The following MTCL2 variants were observed in gnomAD, a reference collection of about 807,000 sequenced individuals.
MTCL2 encodes microtubule crosslinking factor 2, also known as microtubule cross-linking factor 2.
the MTCL2 span, among the ~76,000 whole-genome samples, chr20:36,818,185 C>T: frequency 6.6e-6 from 1 of 152,238 alleles, no homozygotes; most frequent in Non-Finnish European, 1.5e-5. Flanking sequence ...TTCCATAAAC[C>T]TCTGCATGCA....
chr20:36,813,789 A>T, the MTCL2 span, among the ~76,000 whole-genome samples: 1 of 151,802 alleles, frequency 6.6e-6, no homozygotes, highest in Non-Finnish European at 1.5e-5. Context: ...TAAAAGAAAA[A>T]AAGAAAGTGC....
chr20:36,817,559 A>AG, the MTCL2 span: 2 of 1,340,908 alleles, frequency 1.5e-6, no homozygotes, highest in Non-Finnish European at 2.0e-6. Context: ...CACAGTGCCC[A>AG]GGGTCCAGGG....
At chr20:36,806,099 G>C in the MTCL2 span, 2 of 624,490 alleles carry the variant, frequency 3.2e-6, no homozygotes, top group Non-Finnish European at 5.5e-6. Context: ...CTGCCCCAAA[G>C]ACCAGGAAGC....
chr20:36,804,978 C>T, the MTCL2 span: 3 of 1,531,242 alleles, frequency 2.0e-6, no homozygotes, highest in East Asian at 2.3e-5. Flanking sequence ...GAGAACTCAC[C>T]TAGGAGTCCA....
chr20:36,786,607 G>C, the MTCL2 span: 2 of 1,550,904 alleles, frequency 1.3e-6, no homozygotes, highest in Non-Finnish European at 1.7e-6. Context: ...CAGGAGGTGA[G>C]AGACTGGGTA....
chr20:36,841,920 T>TAC, the MTCL2 span, among the ~76,000 whole-genome samples: 8 of 146,680 alleles, frequency 5.5e-5, no homozygotes, highest in African/African-American at 2.0e-4. Flanking sequence ...TGTGTGTGTA[T>TAC]ACAGGGTTTT....
the MTCL2 span, among the ~76,000 whole-genome samples, chr20:36,826,099 G>A: frequency 1.3e-5 from 2 of 150,520 alleles, no homozygotes; most frequent in East Asian, 2.0e-4. Flanking sequence ...CTTCACCTCC[G>A]GGGTTCATGC....
At chr20:36,784,589 G>A in the MTCL2 span, 1 of 985,462 alleles carries the variant, frequency 1.0e-6, no homozygotes, top group African/African-American at 1.7e-5. Context: ...GAAGGCTGAT[G>A]TCTATGTGTG....
chr20:36,778,049 C>T, the MTCL2 span: 2 of 464,126 alleles, frequency 4.3e-6, no homozygotes, highest in Non-Finnish European at 7.5e-6. Flanking sequence ...CTCCCACCCC[C>T]TCCCTGGCTG....
the MTCL2 span, among the ~76,000 whole-genome samples, chr20:36,788,786 TTTTC>T: frequency 5.9e-5 from 9 of 151,906 alleles, no homozygotes; most frequent in African/African-American, 1.9e-4. Flanking sequence ...CTCTCTCTTT[TTTTC>T]TTTTTCTTTT....
the MTCL2 span, among the ~76,000 whole-genome samples, chr20:36,808,170 C>T: frequency 1.3e-5 from 2 of 151,174 alleles, no homozygotes; most frequent in Non-Finnish European, 2.9e-5. Context: ...CCACCGCACC[C>T]GGCCAAGAAA....
At chr20:36,777,595 C>A in the MTCL2 span, 1 of 455,258 alleles carries the variant, frequency 2.2e-6, no homozygotes, top group Non-Finnish European at 3.9e-6. Context: ...CCGATCCATC[C>A]TAGGAAGGAG....
At chr20:36,790,112 T>C in the MTCL2 span, among the ~76,000 whole-genome samples, 4 of 149,080 alleles carry the variant, frequency 2.7e-5, no homozygotes, top group Non-Finnish European at 6.0e-5. Context: ...CTGCCTCAGC[T>C]TCCCGAGTAG....
At chr20:36,784,800 G>A in the MTCL2 span, 4 of 985,472 alleles carry the variant, frequency 4.1e-6, no homozygotes, top group African/African-American at 1.7e-5. Context: ...AAGGAGAGAG[G>A]CTGGTGAAAA....
the MTCL2 span, among the ~76,000 whole-genome samples, chr20:36,844,403 T>A: frequency 0.17 from 24,578 of 144,888 alleles, 2,315 homozygotes; most frequent in Middle Eastern, 0.23. Flanking sequence ...AAAAAAAAAA[T>A]AATAATAATA....
At chr20:36,785,264 G>A in the MTCL2 span, 2 of 985,254 alleles carry the variant, frequency 2.0e-6, no homozygotes, top group African/African-American at 1.7e-5. Flanking sequence ...TCCACCCAGG[G>A]GACCCCATGC....
At chr20:36,810,717 C>CCTCTCT in the MTCL2 span, among the ~76,000 whole-genome samples, 5,394 of 94,090 alleles carry the variant, frequency 0.057, 319 homozygotes, top group South Asian at 0.069. Context: ...TCTCTCTCTC[C>CCTCTCT]CTCTCTCTCT....
At chr20:36,794,769 C>A in the MTCL2 span, 8 of 642,464 alleles carry the variant, frequency 1.2e-5, no homozygotes, top group Non-Finnish European at 2.1e-5. This position sits in a 1 kb window ranked among gnomAD's most constrained non-coding sequence, Gnocchi z 5.4. Context: ...TCTGCATTTT[C>A]TTTTTTTTTT....
chr20:36,859,778 C>G, the MTCL2 span: 1 of 1,231,598 alleles, frequency 8.1e-7, no homozygotes, highest in African/African-American at 1.6e-5. Flanking sequence ...CAACTCTGCT[C>G]CTGCAGGGGA....
Sources: gnomAD v4.1 joint callset for allele counts (sites outside exome capture counted in the v4.1 genomes callset) on GRCh38, gnomAD v4.1.1 for gene constraint, Gnocchi (gnomAD v3.1) non-coding constraint, MANE v1.5 for transcripts, NCBI Gene and HGNC (gene_info 2026-07-23, HGNC 2026-07-21) for gene names.